PABPC5: variants seen among roughly 807,000 people sequenced by gnomAD.
PABPC5 encodes the protein poly(A) binding protein cytoplasmic 5.
PABPC5 carries 6 observed loss-of-function variants against 12.6 expected under a neutral mutation model. The observed-to-expected ratio is 0.48, with a 90% confidence interval of 0.26 to 0.94. PABPC5 has a LOEUF of 0.94. Ranked by LOEUF, PABPC5 falls within the 40% of genes least tolerant of loss-of-function variation. PABPC5 has a pLI of 0.14. For missense variants in PABPC5, 244 were observed against 302.8 expected, an observed-to-expected ratio of 0.81 and a Z score of 1.44; for synonymous variants, 124 against 118.4, an observed-to-expected ratio of 1.05 and a Z score of -0.31.
In PABPC5 at chrX:91,436,636, G is replaced by A. The variant is rs759967355; in HGVS notation, c.1059G>A (p.Glu353=). Residue 353 remains glutamate, a synonymous_variant, in exon 2 of 2, where the codon GAG becomes GAA. Transcript: ENST00000312600. Reference sequence around the variant, plus strand: ...TGGTCTGCTTTTCCTCTTTTGAAGAGGCTACCAAAGCAGTGGATGAGATGA... The same window carrying A: ...TGGTCTGCTTTTCCTCTTTTGAAGAAGCTACCAAAGCAGTGGATGAGATGA... ...FGVVCFSSFE[E]ATKAVDEMNG... The A allele has an allele frequency of 4.1e-6, 5 of 1,211,477 alleles. No homozygotes were observed. Among genetic ancestry groups the A allele is most frequent in the Admixed American group, 4.3e-5 (2 of 46,096 alleles).
In PABPC5 at chrX:91,436,095, G is replaced by A; in HGVS notation, c.518G>A (p.Arg173His). 1 of 1,211,694 alleles carries A rather than the reference G, an allele frequency of 8.3e-7. No homozygotes were observed. Among genetic ancestry groups the A allele is most frequent in the Middle Eastern group, 2.3e-4 (1 of 4,351 alleles). Residue 173 changes from arginine to histidine, a missense_variant, in exon 2 of 2, where the codon CGC becomes CAC. Physicochemically the swap from Arg to His is conservative, Grantham distance 29. Transcript: ENST00000312600. ...WHMNGVRLNN[R>H]QVYVGRFKFP... is the part of the protein sequence containing the mutation. The stretch of plus-strand genomic sequence containing the variant: ...ATGAATGGAGTGCGGCTCAACAACC[G>A]CCAGGTGTATGTTGGCAGATTCAAA...
chrX:91,435,603 C>A lies in PABPC5; in HGVS notation c.26C>A (p.Ala9Asp), dbSNP rs1471836562. The stretch of plus-strand genomic sequence containing the variant: ...ATGGGGAGCGGGGAGCCTAATCCTG[C>A]TGGCAAGAAAAAGAAGTATCTCAAG... MGSGEPNP[A>D]GKKKKYLKAA... is the part of the protein sequence containing the mutation. Residue 9 changes from alanine to aspartate, a missense_variant, in exon 2 of 2, where the codon GCT (alanine) becomes GAT (aspartate). By Grantham distance (126) the Ala-to-Asp change is moderately radical. Transcript: ENST00000312600. The A allele has an allele frequency of 1.7e-6, 2 of 1,206,541 alleles. No individual in the cohort carries two copies. The highest frequency in any genetic ancestry group is 2.2e-6 in the Non-Finnish European group (2 of 893,455).
At position 91,435,784 on chromosome X, in the gene PABPC5, C is replaced by G. The variant is rs201202301; in HGVS notation, c.207C>G (p.Pro69=). 8.3e-6 allele frequency: 10 copies of G among 1,210,865 alleles called. No homozygotes were observed. Among genetic ancestry groups the G allele is most frequent in the Admixed American group, 4.3e-5 (2 of 46,014 alleles). Reference sequence around the variant, plus strand: ...ATGGGTATGTTAACTTCCGCTTTCCCGCGGATGCAGAGTGGGCCTTGAACA... The same window carrying G: ...ATGGGTATGTTAACTTCCGCTTTCCGGCGGATGCAGAGTGGGCCTTGAACA... ...LGYGYVNFRF[P]ADAEWALNTM... Residue 69 remains proline (P), a synonymous_variant, in exon 2 of 2, where the codon CCC becomes CCG. Coordinates refer to ENST00000312600, the MANE Select transcript of PABPC5 (RefSeq NM_080832.3).
Position 91,436,944 on chromosome X carries a change from T to A in PABPC5, c.*218T>A, listed in dbSNP as rs1602671189. 2 of 383,704 alleles carry A rather than the reference T, an allele frequency of 5.2e-6. No homozygotes were observed. The highest frequency in any genetic ancestry group is 8.5e-5 in the East Asian group (2 of 23,571). 31.6% of individuals were successfully genotyped at this position (383,704 alleles called of 1,213,427 possible). On this transcript the variant is annotated 3_prime_UTR_variant, in exon 2 of 2. Transcript: ENST00000312600. ...TTGTACTTTTTTTGATGTAATATCC[T>A]TAGAAATCTGTAGAATAAAGTGTAT...
At position 91,435,760 on chromosome X, in the gene PABPC5, T is replaced by C. The variant is rs1382879940; in HGVS notation, c.183T>C (p.Tyr61=). The C allele has an allele frequency of 1.7e-6, 2 of 1,211,171 alleles. No individual in the cohort carries two copies. Among genetic ancestry groups the C allele is most frequent in the Non-Finnish European group, 2.2e-6 (2 of 895,078 alleles). ...RDPVTRSPLG[Y]GYVNFRFPAD... Reference sequence around the variant, plus strand: ...CGGTGACCCGCAGCCCCCTGGGCTATGGGTATGTTAACTTCCGCTTTCCCG... The same window carrying C: ...CGGTGACCCGCAGCCCCCTGGGCTACGGGTATGTTAACTTCCGCTTTCCCG... The change falls in exon 2 of 2, where the codon TAT becomes TAC. Residue 61 remains tyrosine, a synonymous_variant. Coordinates refer to ENST00000312600, the MANE Select transcript of PABPC5 (RefSeq NM_080832.3).
At position 91,435,431 on chromosome X, in the gene PABPC5, T is replaced by G. The variant is rs1257826810; in HGVS notation, c.-143-4T>G. On this transcript the variant is annotated splice_region_variant and splice_polypyrimidine_tract_variant and intron_variant, in intron 1 of 1. Coordinates refer to ENST00000312600, the MANE Select transcript of PABPC5 (RefSeq NM_080832.3). Reference sequence around the variant, plus strand: ...CCAGCTGTTTCTGAACTTCATTTTCTCAGCCTCGACAGTGATTCTGAGTCT... The same window carrying G: ...CCAGCTGTTTCTGAACTTCATTTTCGCAGCCTCGACAGTGATTCTGAGTCT... The G allele has an allele frequency of 1.9e-6, 1 of 521,619 alleles. No individual in the cohort carries two copies. The highest frequency in any genetic ancestry group is 3.0e-6 in the Non-Finnish European group (1 of 333,533). The allele number at this position is 521,619 out of a possible 1,213,427, so 43.0% of individuals were successfully genotyped here.
chrX:91,435,997 T>C lies in PABPC5; in HGVS notation c.420T>C (p.Asp140=), dbSNP rs768145074. Residue 140 remains aspartate, a synonymous_variant, in exon 2 of 2, where the codon GAT becomes GAC. Coordinates refer to ENST00000312600, the MANE Select transcript of PABPC5 (RefSeq NM_080832.3). ...GNILSCKVVC[D]DNGSKGYAYV... ...TTCTGTCCTGCAAAGTCGTATGCGATGACAACGGCTCTAAGGGTTATGCCT... is the reference window on the plus strand; with the variant it reads ...TTCTGTCCTGCAAAGTCGTATGCGACGACAACGGCTCTAAGGGTTATGCCT... 1 of 1,211,841 alleles carries C rather than the reference T, an allele frequency of 8.3e-7. No homozygotes were observed. Among genetic ancestry groups the C allele is most frequent in the Non-Finnish European group, 1.1e-6 (1 of 895,550 alleles).
rs147930263 is a variant in PABPC5, at chrX:91,435,934, T to C, written c.357T>C (p.Asn119=). ...FIKNLDKSID[N]RALFYLFSAF... is the part of the protein sequence containing the mutation. Reference sequence around the variant, plus strand: ...AAAACCTGGACAAATCCATAGACAATAGGGCCCTGTTTTACTTATTTTCTG... The same window carrying C: ...AAAACCTGGACAAATCCATAGACAACAGGGCCCTGTTTTACTTATTTTCTG... The change falls in exon 2 of 2, where the codon AAT becomes AAC. Residue 119 remains asparagine (N), a synonymous_variant. Transcript: ENST00000312600. The C allele has an allele frequency of 2.6e-5, 32 of 1,210,923 alleles. No individual in the cohort carries two copies. Among genetic ancestry groups the C allele is most frequent in the Non-Finnish European group, 3.4e-5 (30 of 895,074 alleles).
In PABPC5 at chrX:91,435,628, G is replaced by A. The variant is rs776122868; in HGVS notation, c.51G>A (p.Lys17=). 30 of 1,209,127 alleles carry A rather than the reference G, an allele frequency of 2.5e-5. No homozygotes were observed. The East Asian group carries it at 7.7e-4, about 31-fold the overall frequency. Residue 17 remains lysine (K), a synonymous_variant, in exon 2 of 2, where the codon AAG becomes AAA. Coordinates refer to ENST00000312600, the MANE Select transcript of PABPC5 (RefSeq NM_080832.3). The part of the protein sequence containing the change: ...NPAGKKKKYL[K]AALYVGDLDP... ...CTGGCAAGAAAAAGAAGTATCTCAA[G>A]GCCGCTCTGTACGTGGGTGACTTGG...
At position 91,436,402 on chromosome X, in the gene PABPC5, G is replaced by A. The variant is rs371461611; in HGVS notation, c.825G>A (p.Gln275=). ...AAGTCCTCTATGTAGGGCGAGCACAGAAGAAAATTGAACGCCTGGCTGAGT... is the reference window on the plus strand; with the variant it reads ...AAGTCCTCTATGTAGGGCGAGCACAAAAGAAAATTGAACGCCTGGCTGAGT... ...DGKVLYVGRA[Q]KKIERLAELR... Residue 275 remains glutamine, a synonymous_variant, in exon 2 of 2, where the codon CAG becomes CAA. Transcript: ENST00000312600. The A allele has an allele frequency of 3.3e-6, 4 of 1,211,716 alleles. No homozygotes were observed. The highest frequency in any genetic ancestry group is 4.5e-6 in the Non-Finnish European group (4 of 895,571).
chrX:91,436,715 C>A lies in PABPC5; in HGVS notation c.1138C>A (p.Arg380Ser). 1 of 1,206,427 alleles carries A rather than the reference C, an allele frequency of 8.3e-7. No individual in the cohort carries two copies. The highest frequency in any genetic ancestry group is 1.1e-6 in the Non-Finnish European group (1 of 893,338). Reference protein sequence around the residue: ...PLHVTLGQARRRC With the variant: ...PLHVTLGQARSRC ...GCATGTCACCCTGGGCCAGGCCAGGCGCAGGTGCTGAGAATAAGAATGCTC... is the reference window on the plus strand; with the variant it reads ...GCATGTCACCCTGGGCCAGGCCAGGAGCAGGTGCTGAGAATAAGAATGCTC... Residue 380 changes from arginine (R) to serine (S), a missense_variant, in exon 2 of 2, where the codon CGC (arginine) becomes AGC (serine). Arg to Ser is a moderately radical substitution (Grantham distance 110). Around this residue, in one of 3 missense-constraint regions of PABPC5, gnomAD observed 211 missense variants for 261.5 expected, o/e 0.81. Transcript: ENST00000312600.
rs1931616602 is a variant in PABPC5 at position 91,437,154 on chromosome X, G to A, written c.*428G>A. On this transcript the variant is annotated 3_prime_UTR_variant, in exon 2 of 2. Transcript: ENST00000312600. ...TACAGCAGGGGAAAACATATGTGATGCAATTAACATCTGCATAATTTCACT... is the reference window on the plus strand; with the variant it reads ...TACAGCAGGGGAAAACATATGTGATACAATTAACATCTGCATAATTTCACT... The A allele has an allele frequency of 7.6e-6, 1 of 131,185 alleles. No individual in the cohort carries two copies. The highest frequency in any genetic ancestry group is 3.2e-5 in the African/African-American group (1 of 31,132). 10.8% of individuals were successfully genotyped at this position (131,185 alleles called of 1,213,427 possible).
Position 91,437,621 on chromosome X carries a change from A to G in PABPC5, c.*895A>G, listed in dbSNP as rs1487398318. The G allele has an allele frequency of 4.1e-5, 5 of 123,254 alleles. No homozygotes were observed. The highest frequency in any genetic ancestry group is 3.7e-4 in the South Asian group (1 of 2,728). 10.2% of individuals were successfully genotyped at this position (123,254 alleles called of 1,213,427 possible). A position where few individuals can be genotyped will look rare whatever the true frequency, so the allele number is the denominator to read the frequency against. On this transcript the variant is annotated 3_prime_UTR_variant, in exon 2 of 2. Coordinates refer to ENST00000312600, the MANE Select transcript of PABPC5 (RefSeq NM_080832.3). ...TACCTTCGGGTTTTATCAACTGTCA[A>G]TATAAAAGGCAGTACTCCACAGAAT...
rs1931619869 is a variant in PABPC5 at position 91,437,304 on chromosome X, T to C, written c.*578T>C. 8.1e-6 allele frequency: 1 copy of C among 123,733 alleles called. No homozygotes were observed. The highest frequency in any genetic ancestry group is 1.9e-5 in the Non-Finnish European group (1 of 53,364). The allele number at this position is 123,733 out of a possible 1,213,427, so 10.2% of individuals were successfully genotyped here. The stretch of plus-strand genomic sequence containing the variant: ...CATGCTACAGATTTGATAGTACTTT[T>C]GACTAAATGTTGGGAGTGGTCGTAT... On this transcript the variant is annotated 3_prime_UTR_variant, in exon 2 of 2. Coordinates refer to ENST00000312600, the MANE Select transcript of PABPC5 (RefSeq NM_080832.3).
Position 91,436,351 on chromosome X carries a change from C to T in PABPC5, c.774C>T (p.Asp258=), listed in dbSNP as rs1446092065. ...THEAAQKAVL[D]LHGKSIDGKV... ...AGGCTGCCCAAAAGGCTGTGCTAGACTTGCATGGAAAGTCCATCGATGGAA... is the reference window on the plus strand; with the variant it reads ...AGGCTGCCCAAAAGGCTGTGCTAGATTTGCATGGAAAGTCCATCGATGGAA... Residue 258 remains aspartate (D), a synonymous_variant, in exon 2 of 2, where the codon GAC becomes GAT. Coordinates refer to ENST00000312600, the MANE Select transcript of PABPC5 (RefSeq NM_080832.3). The T allele has an allele frequency of 8.3e-7, 1 of 1,211,650 alleles. No homozygotes were observed. The highest frequency in any genetic ancestry group is 1.1e-6 in the Non-Finnish European group (1 of 895,561).
chrX:91,436,754 C>T lies in PABPC5; in HGVS notation c.*28C>T. 1 of 1,157,824 alleles carries T rather than the reference C, an allele frequency of 8.6e-7. No individual in the cohort carries two copies. Among genetic ancestry groups the T allele is most frequent in the South Asian group, 2.0e-5 (1 of 49,687 alleles). ...ATAAGAATGCTCAGTTTGTTTCAGC[C>T]TTAGTTGGTGCCTCCTTAGTTTGGG... On this transcript the variant is annotated 3_prime_UTR_variant, in exon 2 of 2. Coordinates refer to ENST00000312600, the MANE Select transcript of PABPC5 (RefSeq NM_080832.3).
Position 91,437,647 on chromosome X carries a change from G to A in PABPC5, c.*921G>A, listed in dbSNP as rs763011080. On this transcript the variant is annotated 3_prime_UTR_variant, in exon 2 of 2. Transcript: ENST00000312600. ...TATAAAAGGCAGTACTCCACAGAAT[G>A]ATGTTGAAAAACTTCTTCGAAGAAC... 8.1e-6 allele frequency: 1 copy of A among 123,027 alleles called. No homozygotes were observed. The highest frequency in any genetic ancestry group is 2.8e-4 in the East Asian group (1 of 3,560). The allele number at this position is 123,027 out of a possible 1,213,427, so 10.1% of individuals were successfully genotyped here.
chrX:91,437,911 T>A lies in PABPC5; in HGVS notation c.*1185T>A, dbSNP rs919422209. The A allele has an allele frequency of 8.2e-6, 1 of 122,396 alleles. No individual in the cohort carries two copies. The highest frequency in any genetic ancestry group is 1.9e-5 in the Non-Finnish European group (1 of 52,928). 10.1% of individuals were successfully genotyped at this position (122,396 alleles called of 1,213,427 possible). ...CATTTATTAGCCTGTAATTTCTAAA[T>A]TGGAGATTCTCTACATTTCACTTGC... On this transcript the variant is annotated 3_prime_UTR_variant, in exon 2 of 2. Transcript: ENST00000312600.
At chrX:91,435,390 G>C (rs1200066145) in intron 1 of PABPC5, 45 bp from the exon 2 acceptor site, 2 of 421,502 alleles carry the variant, frequency 4.7e-6, no homozygotes, top group Non-Finnish European at 8.0e-6. Context: ...TGATGTGTTT[G>C]TTCTGAGCCT....
Sources: allele counts gnomAD v4.1 joint callset, GRCh38; gene constraint gnomAD v4.1.1; regional missense constraint gnomAD v4.1.1; transcripts MANE v1.5; gene names NCBI Gene and HGNC (gene_info 2026-07-23, HGNC 2026-07-21).